The following FAM186B variants were observed in gnomAD, a reference collection of about 807,000 sequenced individuals.
FAM186B encodes the protein family with sequence similarity 186 member B.
A neutral mutation model predicts 83.4 loss-of-function variants in FAM186B; 68 were observed. The observed-to-expected ratio is 0.81, with a 90% CI of 0.67 to 1.00. The LOEUF is 1.00. Among genes scored for constraint, FAM186B ranks in the 50% least tolerant of loss-of-function variants. FAM186B has a pLI of 0.00. For missense variants in FAM186B, 983 were observed against 1,099.2 expected, an observed-to-expected ratio of 0.89 and a Z score of 1.49; for synonymous variants, 389 against 422.0, an observed-to-expected ratio of 0.92 and a Z score of 0.96.
chr12:49,604,614 G>T, intron 1 of FAM186B, 76 bp from the exon 2 acceptor site: 2 of 1,253,378 alleles, frequency 1.6e-6, no homozygotes, highest in Non-Finnish European at 2.3e-6. Context: ...GCGTGACCTT[G>T]GACAAGTCGC....
chr12:49,599,795 C>T lies in FAM186B; in HGVS notation c.1845G>A (p.Glu615=), dbSNP rs763969730. The T allele has an allele frequency of 6.2e-7, 1 of 1,613,782 alleles. No homozygotes were observed. Among genetic ancestry groups the T allele is most frequent in the Non-Finnish European group, 8.5e-7 (1 of 1,179,808 alleles). The change falls in exon 4 of 7, where the codon GAG becomes GAA. Residue 615 remains glutamate (E), a synonymous_variant. Transcript: ENST00000257894. ...GGCGGGTCCGTGGTCTGTAGGTAAA[C>T]TCCACTGAACTCATAGGTCTCTGCT... ...LGKQRPMSSV[E]FTYRPRTRRV...
chr12:49,616,578 A>G, the FAM186B span, among the ~76,000 whole-genome samples: 1 of 152,240 alleles, frequency 6.6e-6, no homozygotes, highest in Non-Finnish European at 1.5e-5. Context: ...ATGACATGGA[A>G]AATTTCAAAA....
Position 49,600,194 on chromosome 12 carries a change from C to G in FAM186B, c.1446G>C (p.Glu482Asp), listed in dbSNP as rs541823903. ...TSESQEEPWE[E>D]EFGREMRRQL... is the part of the protein sequence containing the mutation. The stretch of plus-strand genomic sequence containing the variant: ...GCCTCCGCATCTCCCGGCCGAATTC[C>G]TCCTCCCAGGGCTCCTCTTGGCTCT... The change falls in exon 4 of 7, where the codon GAG (glutamate) becomes GAC (aspartate). Residue 482 changes from glutamate (E) to aspartate (D), a missense_variant. Physicochemically the swap from Glu to Asp is conservative, Grantham distance 45. Coordinates refer to ENST00000257894, the MANE Select transcript of FAM186B (RefSeq NM_032130.3). This position sits in a 1 kb window ranked among gnomAD's most constrained non-coding sequence, Gnocchi z 4.3. 8 of 1,613,260 alleles carry G rather than the reference C, an allele frequency of 5.0e-6. No homozygotes were observed. In the African/African-American group the frequency reaches 1.1e-4, roughly 21 times the overall value.
At chr12:49,596,311 A>C in intron 5 of FAM186B, among the ~76,000 whole-genome samples, 1 of 141,718 alleles carries the variant, frequency 7.1e-6, no homozygotes, top group Non-Finnish European at 1.5e-5. Context: ...CAATATAGTG[A>C]GACCCCCGTC....
In FAM186B at chr12:49,588,461, T is replaced by C; in HGVS notation, c.2527A>G (p.Met843Val). The part of the protein sequence containing the change: ...SRHRACVPLQ[M>V]ARQQGKQMEA... The stretch of plus-strand genomic sequence containing the variant: ...CAGCTTCCCAGAACCTACCGGGCCA[T>C]CTGCAGGGGCACACATGCCCGGTGC... Residue 843 changes from methionine to valine, a missense_variant, in exon 6 of 7, where the codon ATG (methionine) becomes GTG (valine). By Grantham distance (21) the Met-to-Val change is conservative (BLOSUM62 1). Transcript: ENST00000257894. The C allele has an allele frequency of 6.2e-7, 1 of 1,611,696 alleles. No homozygotes were observed. Among genetic ancestry groups the C allele is most frequent in the Non-Finnish European group, 8.5e-7 (1 of 1,178,496 alleles).
the FAM186B span, among the ~76,000 whole-genome samples, chr12:49,614,586 G>A: frequency 6.6e-6 from 1 of 152,182 alleles, no homozygotes; most frequent in East Asian, 1.9e-4. Flanking sequence ...GGAAGCAGGA[G>A]GGAGAAAAGG....
At position 49,588,443 on chromosome 12, in the gene FAM186B, C is replaced by T. The variant is rs201521699; in HGVS notation, c.2534+11G>A. 317 of 1,607,420 alleles carry T rather than the reference C, an allele frequency of 2.0e-4. No individual in the cohort carries two copies. The African/African-American group carries it at 3.8e-3, about 19-fold the overall frequency. On this transcript the variant is annotated intron_variant, in intron 6 of 6. Transcript: ENST00000257894. ...ATACAGCTGCTGCCCCCTCAGCTTC[C>T]CAGAACCTACCGGGCCATCTGCAGG...
intron 1 of FAM186B, 96 bp from the exon 2 acceptor site, chr12:49,604,634 T>C: frequency 1.1e-6 from 1 of 915,904 alleles, no homozygotes; most frequent in African/African-American, 1.7e-5. Context: ...CTTAGCCTCT[T>C]TGGGTCTCAG....
At chr12:49,584,616 T>C (rs1939401829), downstream of FAM186B, 1 of 702,234 alleles carries the variant, frequency 1.4e-6, no homozygotes, top group Non-Finnish European at 2.6e-6. Context: ...GCTGAGGCGC[T>C]GCAAGAGTTA....
chr12:49,599,769 C>G lies in FAM186B; in HGVS notation c.1871G>C (p.Arg624Pro). ...VEFTYRPRTR[R>P]VPTKPKKSAS... ...AGATTTCTTGGGCTTTGTGGGAACT[C>G]GGCGGGTCCGTGGTCTGTAGGTAAA... is the stretch of plus-strand genomic sequence containing the variant. Residue 624 changes from arginine (R) to proline (P), a missense_variant, in exon 4 of 7, where the codon CGA becomes CCA. Transcript: ENST00000257894. 6.2e-7 allele frequency: 1 copy of G among 1,614,048 alleles called. No individual in the cohort carries two copies. Among genetic ancestry groups the G allele is most frequent in the Non-Finnish European group, 8.5e-7 (1 of 1,179,954 alleles).
In FAM186B at chr12:49,600,733, T is replaced by C; in HGVS notation, c.907A>G (p.Arg303Gly). ...TTCATCAGGAGAAGGTCATGGTACC[T>C]TCCCCCTAAGATCTCTACCTGCTTC... Reference protein sequence around the residue: ...LLKQVEILGGRYHDLLLMKQA... With the variant: ...LLKQVEILGGGYHDLLLMKQA... The change falls in exon 4 of 7, where the codon AGG becomes GGG. Residue 303 changes from arginine (R) to glycine (G), a missense_variant. Arg to Gly is a moderately radical substitution (Grantham distance 125). Coordinates refer to ENST00000257894, the MANE Select transcript of FAM186B (RefSeq NM_032130.3). The surrounding 1 kb of genome is among the most constrained non-coding windows in gnomAD (Gnocchi z 4.3). 1 of 1,614,172 alleles carries C rather than the reference T, an allele frequency of 6.2e-7. No individual in the cohort carries two copies. The highest frequency in any genetic ancestry group is 1.1e-5 in the South Asian group (1 of 91,084).
intron 5 of FAM186B, among the ~76,000 whole-genome samples, chr12:49,597,660 G>C (rs963339736): frequency 3.9e-5 from 6 of 152,092 alleles, no homozygotes; most frequent in Non-Finnish European, 5.9e-5. Context: ...TGATGGATAT[G>C]TTAATTTGTT....
intron 5 of FAM186B, chr12:49,595,229 G>T (rs559918274): frequency 3.1e-6 from 2 of 647,192 alleles, no homozygotes; most frequent in Admixed American, 3.9e-5. Flanking sequence ...ACCATTGCAG[G>T]TCTGGCTGGA....
At chr12:49,583,714 G>T (rs1939382163), downstream of FAM186B, 1 of 152,864 alleles carries the variant, frequency 6.5e-6, no homozygotes, top group South Asian at 2.1e-4. Context: ...TCCTGAGGAA[G>T]AGAACCGCTG....
At chr12:49,584,129 A>C, downstream of FAM186B, 1 of 221,638 alleles carries the variant, frequency 4.5e-6, no homozygotes, top group South Asian at 7.1e-5. Flanking sequence ...ATATCTGTCC[A>C]TATTTTGATT....
In FAM186B at chr12:49,605,559, T is replaced by C; in HGVS notation, c.-82A>G. 2 of 1,476,420 alleles carry C rather than the reference T, an allele frequency of 1.4e-6. No individual in the cohort carries two copies. Among genetic ancestry groups the C allele is most frequent in the Non-Finnish European group, 1.8e-6 (2 of 1,090,892 alleles). 91.5% of individuals were successfully genotyped at this position (1,476,420 alleles called of 1,614,324 possible). A position where few individuals can be genotyped will look rare whatever the true frequency, so the allele number is the denominator to read the frequency against. On this transcript the variant is annotated 5_prime_UTR_variant, in exon 1 of 7. Transcript: ENST00000257894. The stretch of plus-strand genomic sequence containing the variant: ...CACACAATGTTGCCTGCTTTGGAGG[T>C]TAAGGGCACCAGGGTGTCTCCTGGG...
At chr12:49,594,104 T>C in intron 5 of FAM186B, 1 of 239,596 alleles carries the variant, frequency 4.2e-6, no homozygotes, top group Non-Finnish European at 9.0e-6. Flanking sequence ...ACCCAGGACA[T>C]TCAACCCCCA....
At chr12:49,611,664 T>C in the FAM186B span, among the ~76,000 whole-genome samples, 1 of 131,412 alleles carries the variant, frequency 7.6e-6, no homozygotes. Context: ...ATCGAGACCA[T>C]CCTGGCTAAC....
rs756366808 is a variant in FAM186B, at chr12:49,600,558, G to C, written c.1082C>G (p.Pro361Arg). 6.2e-7 allele frequency: 1 copy of C among 1,613,416 alleles called. No homozygotes were observed. ...CGAGAACAACTGCTCCTCCTTCATCGGTTCCTGTTGGCTTTCCTCCATGAC... is the reference window on the plus strand; with the variant it reads ...CGAGAACAACTGCTCCTCCTTCATCCGTTCCTGTTGGCTTTCCTCCATGAC... ...ETVMEESQQE[P>R]MKEEQLFSPL... Residue 361 changes from proline (P) to arginine (R), a missense_variant, in exon 4 of 7, where the codon CCG becomes CGG. Physicochemically the swap from Pro to Arg is moderately radical, Grantham distance 103 (BLOSUM62 -2). Coordinates refer to ENST00000257894, the MANE Select transcript of FAM186B (RefSeq NM_032130.3). The surrounding 1 kb of genome is among the most constrained non-coding windows in gnomAD (Gnocchi z 4.3).
Sources: allele counts gnomAD v4.1 joint callset (sites outside exome capture counted in the v4.1 genomes callset), GRCh38; gene constraint gnomAD v4.1.1; non-coding constraint Gnocchi (gnomAD v3.1); transcripts MANE v1.5; gene names NCBI Gene and HGNC (gene_info 2026-07-23, HGNC 2026-07-21).